The following QTMAN variants were observed in gnomAD, a reference collection of about 807,000 sequenced individuals.
QTMAN encodes queuosine-tRNA mannosyltransferase, also known as tRNA-queuosine alpha-mannosyltransferase.
chr2:143,995,235 C>T, the QTMAN span, among the ~76,000 whole-genome samples: 4 of 152,076 alleles, frequency 2.6e-5, no homozygotes, highest in Non-Finnish European at 5.9e-5. Context: ...TAGTTTAATT[C>T]CATTTTTCTG....
At chr2:144,244,684 A>C in the QTMAN span, among the ~76,000 whole-genome samples, 1 of 152,284 alleles carries the variant, frequency 6.6e-6, no homozygotes, top group South Asian at 2.1e-4. Flanking sequence ...CGCAAATAAT[A>C]ATCTTATAGT....
chr2:143,991,395 C>T, the QTMAN span, among the ~76,000 whole-genome samples: 1 of 151,474 alleles, frequency 6.6e-6, no homozygotes, highest in Non-Finnish European at 1.5e-5. Context: ...GGGGGGTCAG[C>T]CCCCCGCCCG....
chr2:144,152,828 T>C, the QTMAN span, among the ~76,000 whole-genome samples: 21 of 152,274 alleles, frequency 1.4e-4, no homozygotes, highest in East Asian at 2.7e-3. Flanking sequence ...AAATAAGCCG[T>C]AAATACAGGA....
the QTMAN span, among the ~76,000 whole-genome samples, chr2:144,327,508 G>A: frequency 6.6e-6 from 1 of 152,206 alleles, no homozygotes; most frequent in African/African-American, 2.4e-5. Context: ...TCTCCACTAA[G>A]AAAGCAAAGA....
At chr2:144,225,625 C>T in the QTMAN span, among the ~76,000 whole-genome samples, 1 of 152,188 alleles carries the variant, frequency 6.6e-6, no homozygotes. Context: ...ACTGCTCCTG[C>T]TGTTTCTCCT....
At chr2:144,328,532 T>C in the QTMAN span, among the ~76,000 whole-genome samples, 1 of 152,220 alleles carries the variant, frequency 6.6e-6, no homozygotes, top group Non-Finnish European at 1.5e-5. Flanking sequence ...AGCATACCTT[T>C]GTGAGCAATG....
At chr2:144,044,597 G>A in the QTMAN span, among the ~76,000 whole-genome samples, 1 of 152,012 alleles carries the variant, frequency 6.6e-6, no homozygotes, top group South Asian at 2.1e-4. Flanking sequence ...CCCAAGCCAG[G>A]TAATAAAAGT....
chr2:144,068,103 T>C, the QTMAN span, among the ~76,000 whole-genome samples: 1 of 152,218 alleles, frequency 6.6e-6, no homozygotes, highest in Non-Finnish European at 1.5e-5. Flanking sequence ...AAAAGGGTTA[T>C]ATGAGTTGAT....
chr2:144,020,951 T>C, the QTMAN span, among the ~76,000 whole-genome samples: 6,773 of 143,484 alleles, frequency 0.047, 259 homozygotes, highest in East Asian at 0.17. Context: ...AATGATAAAG[T>C]GGAGAAAATC....
At chr2:144,182,297 G>T in the QTMAN span, among the ~76,000 whole-genome samples, 1 of 152,014 alleles carries the variant, frequency 6.6e-6, no homozygotes, top group South Asian at 2.1e-4. Flanking sequence ...GATAATTATA[G>T]AACAATTTCC....
the QTMAN span, among the ~76,000 whole-genome samples, chr2:144,119,077 A>G: frequency 1.2e-4 from 18 of 152,102 alleles, no homozygotes; most frequent in Admixed American, 1.2e-3. Flanking sequence ...CAGGGCTGGT[A>G]ATGTCTGGGC....
chr2:144,151,162 C>A, the QTMAN span, among the ~76,000 whole-genome samples: 1 of 152,108 alleles, frequency 6.6e-6, no homozygotes, highest in African/African-American at 2.4e-5. Context: ...TTATTTTATT[C>A]TTTCCACTTT....
At chr2:144,309,503 A>G in the QTMAN span, among the ~76,000 whole-genome samples, 1 of 152,248 alleles carries the variant, frequency 6.6e-6, no homozygotes, top group African/African-American at 2.4e-5. Context: ...TGCTCTAAAG[A>G]GTATATAATG....
chr2:144,235,090 G>A, the QTMAN span, among the ~76,000 whole-genome samples: 4 of 152,076 alleles, frequency 2.6e-5, no homozygotes, highest in Non-Finnish European at 5.9e-5. Context: ...TACTGCTGAT[G>A]GTATTACTGC....
chr2:143,948,961 A>T, the QTMAN span, among the ~76,000 whole-genome samples: 1 of 152,146 alleles, frequency 6.6e-6, no homozygotes, highest in East Asian at 1.9e-4. Context: ...ACAAGTTTAT[A>T]GTCAATGACT....
At chr2:144,002,729 G>A in the QTMAN span, among the ~76,000 whole-genome samples, 2 of 151,932 alleles carry the variant, frequency 1.3e-5, no homozygotes, top group African/African-American at 2.4e-5. Flanking sequence ...AATGGAGCAT[G>A]AAGAAATCAT....
At chr2:144,119,604 G>A in the QTMAN span, among the ~76,000 whole-genome samples, 2 of 152,344 alleles carry the variant, frequency 1.3e-5, no homozygotes, top group East Asian at 1.9e-4. Context: ...CAAGGCCAGA[G>A]GCCAGCCTTG....
the QTMAN span, among the ~76,000 whole-genome samples, chr2:144,037,476 A>C: frequency 7.2e-5 from 11 of 152,142 alleles, no homozygotes; most frequent in African/African-American, 2.7e-4. Context: ...GTACACCCTA[A>C]GCAGAGGGAC....
At chr2:144,135,412 A>T in the QTMAN span, among the ~76,000 whole-genome samples, 97 of 152,120 alleles carry the variant, frequency 6.4e-4, no homozygotes, top group East Asian at 1.4e-3. Context: ...AAATAAAATT[A>T]AAAAAAAGAT....
Sources: allele counts gnomAD v4.1 joint callset (sites outside exome capture counted in the v4.1 genomes callset), GRCh38; gene constraint gnomAD v4.1.1; transcripts MANE v1.5; gene names NCBI Gene and HGNC (gene_info 2026-07-23, HGNC 2026-07-21).